Variants in GALC observed in about 807,000 individuals in gnomAD.
The protein encoded by GALC is galactosylceramidase, also known as galactocerebrosidase.
GALC carries 77 observed loss-of-function variants against 91.8 expected under a neutral mutation model. That is an observed-to-expected ratio of 0.84 (90% CI 0.70 to 1.01). The LOEUF is 1.01. GALC is among the 50% of genes least tolerant of loss of function. The pLI is 0.00. For synonymous variants in GALC, 357 were observed against 306.7 expected, an observed-to-expected ratio of 1.16 and a Z score of -1.71; for missense variants, 882 against 855.9, an observed-to-expected ratio of 1.03 and a Z score of -0.38.
At chr14:87,961,909 C>A (rs1415885567) in intron 10 of GALC, among the ~76,000 whole-genome samples, 1 of 152,208 alleles carries the variant, frequency 6.6e-6, no homozygotes, top group Non-Finnish European at 1.5e-5. Flanking sequence ...CCCTTCCTCT[C>A]CAAATGCAGA....
Position 87,953,008 on chromosome 14 carries a change from C to T in GALC, c.1162-2260G>A. 3 of 1,091,030 alleles carry T rather than the reference C, an allele frequency of 2.7e-6. No individual in the cohort carries two copies. The South Asian group carries it at 3.7e-5, about 14-fold the overall frequency. 67.6% of individuals were successfully genotyped at this position (1,091,030 alleles called of 1,614,324 possible). On this transcript the variant is annotated intron_variant, in intron 10 of 16. Coordinates refer to ENST00000261304, the MANE Select transcript of GALC (RefSeq NM_000153.4). ...TTGTTTCAGTTAGACCACAAATGTGCAGCTATGTTGGATTTGGTTTGTAGT... is the reference window on the plus strand; with the variant it reads ...TTGTTTCAGTTAGACCACAAATGTGTAGCTATGTTGGATTTGGTTTGTAGT...
intron 1 of GALC, 127 bp from the exon 2 acceptor site, chr14:87,988,650 T>C: frequency 3.9e-6 from 3 of 766,724 alleles, no homozygotes; most frequent in South Asian, 1.4e-5. Context: ...TGAGGAAAAG[T>C]TCCTCACAAG....
intron 10 of GALC, among the ~76,000 whole-genome samples, chr14:87,958,865 AATAT>A (rs1475066852): frequency 6.6e-6 from 1 of 152,196 alleles, no homozygotes; most frequent in Admixed American, 6.5e-5. Context: ...TACATACTTA[AATAT>A]AAAACCTGAA....
chr14:87,992,662 G>A, intron 1 of GALC: 4 of 1,439,602 alleles, frequency 2.8e-6, no homozygotes, highest in African/African-American at 2.9e-5. Context: ...TGCCTGGGAC[G>A]AGGGTTCCAG....
At chr14:87,976,544 G>C (rs1027858895) in intron 6 of GALC, 56 bp from the exon 7 acceptor site, 11 of 1,380,626 alleles carry the variant, frequency 8.0e-6, no homozygotes, top group Non-Finnish European at 1.1e-5. Context: ...TTTAGCTGTT[G>C]AATTTATGAC....
In GALC at chr14:87,984,559, G is replaced by C. The variant is rs760287144; in HGVS notation, c.443-26C>G. On this transcript the variant is annotated intron_variant, in intron 4 of 16. Transcript: ENST00000261304. ...CTGCAGAGAGAAGGGAGGAGGCAAA[G>C]GTAGAGGAGGTATAACGGTGCTGGC... The C allele has an allele frequency of 5.6e-5, 91 of 1,613,596 alleles. 1 individual carries two copies. In the South Asian group the frequency reaches 9.4e-4, roughly 17 times the overall value.
intron 10 of GALC, among the ~76,000 whole-genome samples, chr14:87,962,403 G>T (rs1885842166): frequency 6.6e-6 from 1 of 152,020 alleles, no homozygotes; most frequent in Non-Finnish European, 1.5e-5. Context: ...TTATTGGTTT[G>T]TGTTGTGAGT....
rs1425544308 is a variant in GALC at position 87,933,241 on chromosome 14, C to G, written c.*1491G>C. ...ATGTTCTGGAACAAAGAAAACTAAC[C>G]TATAGTGATAGAATTCCTATCAATG... is the stretch of plus-strand genomic sequence containing the variant. On this transcript the variant is annotated 3_prime_UTR_variant, in exon 17 of 17. Coordinates refer to ENST00000261304, the MANE Select transcript of GALC (RefSeq NM_000153.4). 1 of 152,464 alleles carries G rather than the reference C, an allele frequency of 6.6e-6. No individual in the cohort carries two copies. The highest frequency in any genetic ancestry group is 2.4e-5 in the African/African-American group (1 of 41,418). 9.4% of individuals were successfully genotyped at this position (152,464 alleles called of 1,614,324 possible).
chr14:87,935,946 C>G (rs1884550330), intron 16 of GALC, among the ~76,000 whole-genome samples: 2 of 152,048 alleles, frequency 1.3e-5, no homozygotes, highest in Admixed American at 1.3e-4. Context: ...ATCTTCAGCT[C>G]TAGAAGTGCT....
intron 10 of GALC, 135 bp downstream of exon 10, chr14:87,963,249 A>T: frequency 2.2e-6 from 2 of 926,076 alleles, no homozygotes; most frequent in Non-Finnish European, 3.4e-6. Context: ...AAATTTTTTA[A>T]ATGAAAGCCA....
At chr14:87,953,289 T>C (rs1885386587) in intron 10 of GALC, 3 of 1,485,186 alleles carry the variant, frequency 2.0e-6, no homozygotes, top group Non-Finnish European at 2.8e-6. Context: ...GTCCTATAAA[T>C]AAAGGGAATG....
Position 87,986,342 on chromosome 14 carries a change from G to C in GALC, c.442+147C>G, listed in dbSNP as rs1239878047. The C allele has an allele frequency of 4.4e-6, 3 of 683,642 alleles. No individual in the cohort carries two copies. The African/African-American group carries it at 5.3e-5, about 12-fold the overall frequency. 42.3% of individuals were successfully genotyped at this position (683,642 alleles called of 1,614,324 possible). A position where few individuals can be genotyped will look rare whatever the true frequency, so the allele number is the denominator to read the frequency against. On this transcript the variant is annotated intron_variant, in intron 4 of 16. Transcript: ENST00000261304. ...CAAGGGCAAAGAAAGGATCACCCCTGGCACATGCTTTGCTGCTGGTAGCAT... is the reference window on the plus strand; with the variant it reads ...CAAGGGCAAAGAAAGGATCACCCCTCGCACATGCTTTGCTGCTGGTAGCAT...
chr14:87,975,395 T>TAAA (rs1555382733), intron 7 of GALC, among the ~76,000 whole-genome samples: 1 of 152,114 alleles, frequency 6.6e-6, no homozygotes, highest in Non-Finnish European at 1.5e-5. Context: ...AAGATAATAA[T>TAAA]GGATATTTAA....
chr14:87,974,719 A>AT lies in GALC; in HGVS notation c.752+1638dup, dbSNP rs374289043. On this transcript the variant is annotated intron_variant, in intron 7 of 16. Transcript: ENST00000261304. The stretch of plus-strand genomic sequence containing the variant: ...GAAAAAAGCGAAGGTATTTTTTCAG[A>AT]TTTTTTTTTAATAAGCTCCTGAGAA... Among the ~76,000 whole-genome samples the AT allele has an allele frequency of 3.7e-4, 56 of 151,712 alleles. 1 individual carries two copies. In the East Asian group the frequency reaches 7.7e-3, roughly 21 times the overall value.
At chr14:87,963,557 T>TA in intron 9 of GALC, 46 bp from the exon 10 acceptor site, 1 of 1,539,014 alleles carries the variant, frequency 6.5e-7, no homozygotes. Context: ...ATGGTAATAA[T>TA]AGTATTTCTT....
In GALC at chr14:87,934,241, T is replaced by G; in HGVS notation, c.*491A>C. On this transcript the variant is annotated 3_prime_UTR_variant, in exon 17 of 17. Transcript: ENST00000261304. ...TTTTTAGAGCATAAAGCATAACAGG[T>G]TGAAGTGGTTTTCAAAAAGCTACTT... 7.4e-7 allele frequency: 1 copy of G among 1,354,382 alleles called. No individual in the cohort carries two copies. The highest frequency in any genetic ancestry group is 1.7e-5 in the South Asian group (1 of 57,654). The allele number at this position is 1,354,382 out of a possible 1,614,324, so 83.9% of individuals were successfully genotyped here. A position where few individuals can be genotyped will look rare whatever the true frequency, so the allele number is the denominator to read the frequency against.
At position 87,946,864 on chromosome 14, in the gene GALC, A is replaced by G. The variant is rs140970627; in HGVS notation, c.1489+864T>C. Among the ~76,000 whole-genome samples the G allele has an allele frequency of 5.9e-3, 902 of 152,008 alleles. 14 individuals are homozygous for G. Among genetic ancestry groups the G allele is most frequent in the African/African-American group, 0.021 (867 of 41,504 alleles). On this transcript the variant is annotated intron_variant, in intron 13 of 16. Coordinates refer to ENST00000261304, the MANE Select transcript of GALC (RefSeq NM_000153.4). ...TGAGAGGACTCCATTACACAGTCCA[A>G]AAGGCCTTATACTCCAGCCAACTAG...
At chr14:87,992,590 G>T in intron 1 of GALC, 2 of 1,463,534 alleles carry the variant, frequency 1.4e-6, no homozygotes, top group Non-Finnish European at 1.8e-6. Flanking sequence ...GCACTCCCTG[G>T]CCCTTTCTGG....
At chr14:87,953,167 G>T (rs1206935768) in intron 10 of GALC, 11 of 1,469,896 alleles carry the variant, frequency 7.5e-6, no homozygotes, top group Admixed American at 3.4e-5. Flanking sequence ...GAAGTCTGAA[G>T]CAGCAGTTAG....
Sources: gnomAD v4.1 joint callset for allele counts (sites outside exome capture counted in the v4.1 genomes callset) on GRCh38, gnomAD v4.1.1 for gene constraint, MANE v1.5 for transcripts, NCBI Gene and HGNC (gene_info 2026-07-23, HGNC 2026-07-21) for gene names.